The following CNTNAP2 variants were observed in gnomAD, a reference collection of about 807,000 sequenced individuals.
CNTNAP2 encodes contactin-associated protein-like 2.
A neutral mutation model predicts 155.2 loss-of-function variants in CNTNAP2; 98 were observed. The ratio of observed to expected loss-of-function variants is 0.63; its 90% CI spans 0.54 to 0.75. The LOEUF is 0.75. Ranked by LOEUF, CNTNAP2 falls within the 30% of genes least tolerant of loss-of-function variation. The pLI is 0.00. For synonymous variants in CNTNAP2, 651 were observed against 631.2 expected, an observed-to-expected ratio of 1.03 and a Z score of -0.47; for missense variants, 1,727 against 1,688.1, an observed-to-expected ratio of 1.02 and a Z score of -0.40.
intron 21 of CNTNAP2, among the ~76,000 whole-genome samples, chr7:148,335,463 A>G (rs4725779): frequency 0.51 from 77,343 of 151,950 alleles, 19,907 homozygotes; most frequent in East Asian, 0.66. Flanking sequence ...GCTACTCCAC[A>G]TCAACTGATT....
intron 1 of CNTNAP2, among the ~76,000 whole-genome samples, chr7:146,498,328 A>C (rs1797250015): frequency 6.6e-6 from 1 of 152,176 alleles, no homozygotes; most frequent in African/African-American, 2.4e-5. Context: ...TCACAGAGAG[A>C]AACATCAAAA....
chr7:148,158,340 G>T (rs1319807237), intron 17 of CNTNAP2, among the ~76,000 whole-genome samples: 1 of 144,688 alleles, frequency 6.9e-6, no homozygotes, highest in Non-Finnish European at 1.5e-5. Flanking sequence ...CTCCTGCCTT[G>T]GCCTCCCAGG....
intron 16 of CNTNAP2, among the ~76,000 whole-genome samples, chr7:148,119,713 A>T (rs1804559256): frequency 6.6e-6 from 1 of 152,202 alleles, no homozygotes; most frequent in Non-Finnish European, 1.5e-5. Flanking sequence ...AATCTCTTTG[A>T]ATCCTAATTT....
rs138152514 is a variant in CNTNAP2 at position 147,815,459 on chromosome 7, C to T, written c.2099-88106C>T. ...GCCTCTAGTTCTTGCATGTGGGCCCCGACATCTCAGAGCCAGCAAACATGG... is the reference window on the plus strand; with the variant it reads ...GCCTCTAGTTCTTGCATGTGGGCCCTGACATCTCAGAGCCAGCAAACATGG... On this transcript the variant is annotated intron_variant, in intron 13 of 23. Coordinates refer to ENST00000361727, the MANE Select transcript of CNTNAP2 (RefSeq NM_014141.6). 1.4e-3 allele frequency among the ~76,000 whole-genome samples: 217 copies of T among 151,926 alleles called. 1 individual carries two copies. Among genetic ancestry groups the T allele is most frequent in the African/African-American group, 5.1e-3 (210 of 41,354 alleles).
At position 147,113,835 on chromosome 7, in the gene CNTNAP2, T is replaced by C. The variant is rs867321070; in HGVS notation, c.754+5485T>C. ...CACTTCAGTTTAGCTCTGATCTTGGTTATTTCTTGTCTTCTACTAGCTTTG... is the reference window on the plus strand; with the variant it reads ...CACTTCAGTTTAGCTCTGATCTTGGCTATTTCTTGTCTTCTACTAGCTTTG... On this transcript the variant is annotated intron_variant, in intron 5 of 23. Coordinates refer to ENST00000361727, the MANE Select transcript of CNTNAP2 (RefSeq NM_014141.6). 4.6e-5 allele frequency among the ~76,000 whole-genome samples: 7 copies of C among 152,302 alleles called. No homozygotes were observed. In the South Asian group the frequency reaches 1.4e-3, roughly 32 times the overall value.
chr7:147,082,702 CTTTAGTTCTTACT>C (rs1800161427), intron 4 of CNTNAP2: 1 of 152,138 alleles, frequency 6.6e-6, no homozygotes, highest in African/African-American at 2.4e-5. Flanking sequence ...AAGGTTTAAT[CTTTAGTTCTTACT>C]AAAAATTCTG....
intron 1 of CNTNAP2, among the ~76,000 whole-genome samples, chr7:146,167,321 C>G (rs73160691): frequency 1.2e-4 from 19 of 152,256 alleles, no homozygotes; most frequent in Non-Finnish European, 1.9e-4. Flanking sequence ...TGTGGAAACA[C>G]AGAAGAAGAG....
intron 1 of CNTNAP2, among the ~76,000 whole-genome samples, chr7:146,388,759 C>G (rs1373884096): frequency 6.6e-6 from 1 of 152,126 alleles, no homozygotes; most frequent in African/African-American, 2.4e-5. Context: ...CACCAGCCCC[C>G]CACTACCCTT....
rs1033894067 is a variant in CNTNAP2 at position 147,818,019 on chromosome 7, C to T, written c.2099-85546C>T. Among the ~76,000 whole-genome samples the T allele has an allele frequency of 3.8e-4, 57 of 150,928 alleles. 2 individuals are homozygous for T. The highest frequency in any genetic ancestry group is 2.6e-4 in the Admixed American group (4 of 15,146). ...ATGGGGATTCATTATATCATCTTTT[C>T]TGTATACAATTGGTAGTTACAGAAT... On this transcript the variant is annotated intron_variant, in intron 13 of 23. Transcript: ENST00000361727.
chr7:147,464,945 G>C (rs1452736388), intron 10 of CNTNAP2, among the ~76,000 whole-genome samples: 8 of 152,200 alleles, frequency 5.3e-5, no homozygotes, highest in Non-Finnish European at 1.2e-4. Flanking sequence ...CATTTGATGT[G>C]ATACATATAC....
chr7:146,992,494 C>G (rs1798227217), intron 3 of CNTNAP2, among the ~76,000 whole-genome samples: 1 of 152,122 alleles, frequency 6.6e-6, no homozygotes, highest in Non-Finnish European at 1.5e-5. Context: ...GGACTCTCAG[C>G]AAAGCCGGAG....
intron 1 of CNTNAP2, among the ~76,000 whole-genome samples, chr7:146,452,981 G>T (rs527631995): frequency 6.6e-6 from 1 of 152,334 alleles, no homozygotes; most frequent in East Asian, 1.9e-4. Flanking sequence ...AACAGCCCCA[G>T]CTACTGTGTG....
At chr7:146,210,533 G>T (rs1409335390) in intron 1 of CNTNAP2, among the ~76,000 whole-genome samples, 1 of 152,060 alleles carries the variant, frequency 6.6e-6, no homozygotes, top group Non-Finnish European at 1.5e-5. Flanking sequence ...CAAACCCCTG[G>T]CCTCAAGGGA....
intron 1 of CNTNAP2, among the ~76,000 whole-genome samples, chr7:146,512,165 T>G (rs1185362943): frequency 6.6e-6 from 1 of 151,984 alleles, no homozygotes; most frequent in Non-Finnish European, 1.5e-5. Context: ...TTTTATTTAT[T>G]TAGGTCTTCT....
intron 14 of CNTNAP2, among the ~76,000 whole-genome samples, chr7:147,912,400 G>A (rs1800082775): frequency 6.6e-6 from 1 of 152,098 alleles, no homozygotes; most frequent in Non-Finnish European, 1.5e-5. Flanking sequence ...CCCTGCTGCT[G>A]ACACTGCCCT....
chr7:146,307,751 T>C (rs1368574091), intron 1 of CNTNAP2, among the ~76,000 whole-genome samples: 1 of 152,178 alleles, frequency 6.6e-6, no homozygotes, highest in Non-Finnish European at 1.5e-5. Flanking sequence ...ATTTAATAAA[T>C]GGTGCTGGGA....
At chr7:146,381,583 AG>A (rs992747305) in intron 1 of CNTNAP2, among the ~76,000 whole-genome samples, 1 of 152,158 alleles carries the variant, frequency 6.6e-6, no homozygotes, top group African/African-American at 2.4e-5. Flanking sequence ...AAAATATTAT[AG>A]GGGGTACATA....
At chr7:147,848,485 C>T (rs1157411565) in intron 13 of CNTNAP2, among the ~76,000 whole-genome samples, 4 of 150,616 alleles carry the variant, frequency 2.7e-5, no homozygotes, top group African/African-American at 7.3e-5. Flanking sequence ...CACTGGCCTG[C>T]GCCCACTGTC....
chr7:147,034,358 C>CACT (rs1396688152), intron 3 of CNTNAP2, among the ~76,000 whole-genome samples: 1 of 152,152 alleles, frequency 6.6e-6, no homozygotes, highest in African/African-American at 2.4e-5. Context: ...AGGGGTGTGG[C>CACT]TCACTTCTTC....
Sources: gnomAD v4.1 joint callset for allele counts (sites outside exome capture counted in the v4.1 genomes callset) on GRCh38, gnomAD v4.1.1 for gene constraint, MANE v1.5 for transcripts, NCBI Gene and HGNC (gene_info 2026-07-23, HGNC 2026-07-21) for gene names.